The following ADAR variants were observed in gnomAD, a reference collection of about 807,000 sequenced individuals.
ADAR encodes the protein adenosine deaminase RNA specific.
In ADAR, 41 loss-of-function variants were observed where a neutral mutation model predicts 113.2. The ratio of observed to expected loss-of-function variants is 0.36; its 90% CI spans 0.28 to 0.47. The LOEUF is 0.47. ADAR is among the 20% of genes least tolerant of loss of function. The probability of loss-of-function intolerance (pLI) is 1.00; values close to 1 mark genes in which losing one functional copy is unlikely to be tolerated. For missense variants in ADAR, 1,242 were observed against 1,540.9 expected (o/e 0.81, Z 3.25); for synonymous variants, 605 against 572.6 (o/e 1.06, Z -0.81).
intron 13 of ADAR, 199 bp from the exon 14 acceptor site, chr1:154,585,543 G>A (rs1696703282): frequency 1.1e-6 from 1 of 928,154 alleles, no homozygotes; most frequent in African/African-American, 1.7e-5. Context: ...CAGACTAAGA[G>A]AAGAAAAGCC....
chr1:154,598,522 T>G lies in ADAR; in HGVS notation c.1665A>C (p.Lys555Asn). 1 of 1,614,222 alleles carries G rather than the reference T, an allele frequency of 6.2e-7. No individual in the cohort carries two copies. The highest frequency in any genetic ancestry group is 8.5e-7 in the Non-Finnish European group (1 of 1,180,032). Residue 555 changes from lysine (K) to asparagine (N), a missense_variant, in exon 3 of 15, where the codon AAA (lysine) becomes AAC (asparagine). Lys to Asn is a moderately conservative substitution (Grantham distance 94, BLOSUM62 0). This residue lies in a region of ADAR where 780 missense variants were observed against 1,057.9 expected (regional missense o/e 0.74). Coordinates refer to ENST00000368474, the MANE Select transcript of ADAR (RefSeq NM_001111.5). ...TCATAGCTGCATCCTGCTTGGCCACTTTCTTGCTTCCAGCTTCAGCTGGGG... is the reference window on the plus strand; with the variant it reads ...TCATAGCTGCATCCTGCTTGGCCACGTTCTTGCTTCCAGCTTCAGCTGGGG... Reference protein sequence around the residue: ...EFPPAEAGSKKVAKQDAAMKA... With the variant: ...EFPPAEAGSKNVAKQDAAMKA...
intron 6 of ADAR, among the ~76,000 whole-genome samples, chr1:154,596,068 G>A (rs534240085): frequency 1.3e-5 from 2 of 152,106 alleles, no homozygotes; most frequent in Non-Finnish European, 2.9e-5. Flanking sequence ...AGGAGCCCAT[G>A]CCATCTAGGT....
intron 4 of ADAR, among the ~76,000 whole-genome samples, chr1:154,597,531 G>C (rs1697580808): frequency 6.6e-6 from 1 of 152,120 alleles, no homozygotes; most frequent in Admixed American, 6.6e-5. Flanking sequence ...AGACCCACAG[G>C]CAGAGAGCTT....
In ADAR at chr1:154,608,129, G is replaced by T. The variant is rs565666052; in HGVS notation, c.-123C>A. 1.5e-5 allele frequency: 20 copies of T among 1,298,630 alleles called. No homozygotes were observed. Among genetic ancestry groups the T allele is most frequent in the Non-Finnish European group, 1.9e-5 (19 of 986,794 alleles). The allele number at this position is 1,298,630 out of a possible 1,614,324, so 80.4% of individuals were successfully genotyped here. Reference sequence around the variant, plus strand: ...TACTCCGCACTGGAAGTGGCCCCGGGGCGTCGGCACGGGAAACTCCGCGGG... The same window carrying T: ...TACTCCGCACTGGAAGTGGCCCCGGTGCGTCGGCACGGGAAACTCCGCGGG... On this transcript the variant is annotated 5_prime_UTR_variant, in exon 1 of 15. Transcript: ENST00000368474.
rs563756226 is a variant in ADAR, at chr1:154,602,048, C to T, written c.594G>A (p.Ala198=). Reference sequence around the variant, plus strand: ...GCTGGTTCCAAGCCTGAGTGGAGACCGCGATTTTCCACAAAGGGGGTGTTC... The same window carrying T: ...GCTGGTTCCAAGCCTGAGTGGAGACTGCGATTTTCCACAAAGGGGGTGTTC... The part of the protein sequence containing the change: ...EAGTPPLWKI[A]VSTQAWNQHS... Residue 198 remains alanine (A), a synonymous_variant, in exon 2 of 15, where the codon GCG becomes GCA. Coordinates refer to ENST00000368474, the MANE Select transcript of ADAR (RefSeq NM_001111.5). 53 of 1,614,206 alleles carry T rather than the reference C, an allele frequency of 3.3e-5. 1 individual carries two copies. The South Asian group carries it at 3.8e-4, about 12-fold the overall frequency.
intron 1 of ADAR, among the ~76,000 whole-genome samples, chr1:154,614,875 CAG>C (rs1191505897): frequency 6.6e-6 from 1 of 152,168 alleles, no homozygotes; most frequent in African/African-American, 2.4e-5. Context: ...TGGAATTTGA[CAG>C]AGAGCCATTT....
At chr1:154,618,875 C>T (rs1439571822) in intron 1 of ADAR, among the ~76,000 whole-genome samples, 2 of 152,262 alleles carry the variant, frequency 1.3e-5, no homozygotes, top group African/African-American at 2.4e-5. Context: ...TTTGGAAGTC[C>T]GAGGCAGGTG....
rs1477438671 is a variant in ADAR at position 154,582,756 on chromosome 1, G to A, written c.*2050C>T. On this transcript the variant is annotated 3_prime_UTR_variant, in exon 15 of 15. Transcript: ENST00000368474. ...TCAGCAGGTGACAACCCTGTAGCCT[G>A]AAGAGGAGAGGGGCTGCGCTGCCTT... The A allele has an allele frequency of 1.3e-5, 2 of 152,286 alleles. No individual in the cohort carries two copies. The highest frequency in any genetic ancestry group is 2.4e-5 in the African/African-American group (1 of 41,432). The allele number at this position is 152,286 out of a possible 1,614,324, so 9.4% of individuals were successfully genotyped here. A position where few individuals can be genotyped will look rare whatever the true frequency, so the allele number is the denominator to read the frequency against.
intron 6 of ADAR, among the ~76,000 whole-genome samples, chr1:154,591,223 G>A (rs1316319609): frequency 2.0e-5 from 3 of 151,240 alleles, no homozygotes; most frequent in South Asian, 2.1e-4. Context: ...AAGGCTTAAC[G>A]AAATGCTAGC....
intron 1 of ADAR, among the ~76,000 whole-genome samples, chr1:154,614,702 T>G (rs1372269489): frequency 2.0e-5 from 3 of 152,234 alleles, no homozygotes; most frequent in Non-Finnish European, 1.5e-5. Context: ...TCCCTAGTCT[T>G]AATTGACCAG....
At chr1:154,600,817 A>C in intron 2 of ADAR, 1 of 632,216 alleles carries the variant, frequency 1.6e-6, no homozygotes, top group South Asian at 1.9e-5. Flanking sequence ...CAACAGAGTC[A>C]ACCTCCCCCT....
chr1:154,585,135 G>A (rs1571045956), intron 14 of ADAR, 82 bp downstream of exon 14: 1 of 1,613,408 alleles, frequency 6.2e-7, no homozygotes, highest in East Asian at 2.2e-5. Flanking sequence ...CGGCTCTCAA[G>A]CCCTGAGACT....
chr1:154,590,135 A>AGGCGGGGGGGGGGGGG, intron 7 of ADAR, 49 bp downstream of exon 7: 8 of 1,205,002 alleles, frequency 6.6e-6, no homozygotes, highest in Non-Finnish European at 7.2e-6. Context: ...CTTAGGAGTT[A>AGGCGGGGGGGGGGGGG]GGAGGACCCC....
intron 1 of ADAR, among the ~76,000 whole-genome samples, chr1:154,623,944 C>T (rs1209893048): frequency 4.0e-5 from 6 of 151,458 alleles, no homozygotes; most frequent in Admixed American, 1.3e-4. Context: ...TGGAGGTTGC[C>T]GCCAGCCAAG....
chr1:154,586,214 G>C lies in ADAR; in HGVS notation c.3169C>G (p.Leu1057Val). 1 of 1,614,238 alleles carries C rather than the reference G, an allele frequency of 6.2e-7. No homozygotes were observed. Residue 1057 changes from leucine to valine, a missense_variant, in exon 12 of 15, where the codon CTG becomes GTG. Transcript: ENST00000368474. The part of the protein sequence containing the change: ...GLQGALLTHF[L>V]QPIYLKSVTL... ...ACAGATTTGAGATAAATGGGCTGCA[G>C]GAAGTGGGTCAACAGTGCCCCTTGC...
At position 154,602,201 on chromosome 1, in the gene ADAR, C is replaced by T; in HGVS notation, c.441G>A (p.Leu147=). Residue 147 remains leucine (L), a synonymous_variant, in exon 2 of 15, where the codon CTG becomes CTA. Coordinates refer to ENST00000368474, the MANE Select transcript of ADAR (RefSeq NM_001111.5). ...QDQEQRILKF[L]EELGEGKATT... is the part of the protein sequence containing the mutation. The stretch of plus-strand genomic sequence containing the variant: ...TGGCCTTCCCTTCCCCAAGCTCTTC[C>T]AGGAACTTTAAGATCCTTTGTTCCT... The T allele has an allele frequency of 6.2e-7, 1 of 1,614,190 alleles. No individual in the cohort carries two copies.
In ADAR at chr1:154,597,986, A is replaced by T. The variant is rs768639716; in HGVS notation, c.1786-10T>A. ...TCTGGGACTCTGCAGTCTAGAGAAA[A>T]TGAGAGACAAGAAGAAAACAAAACT... is the stretch of plus-strand genomic sequence containing the variant. On this transcript the variant is annotated splice_polypyrimidine_tract_variant and intron_variant, in intron 3 of 14. Coordinates refer to ENST00000368474, the MANE Select transcript of ADAR (RefSeq NM_001111.5). 1 of 1,613,292 alleles carries T rather than the reference A, an allele frequency of 6.2e-7. No homozygotes were observed. Among genetic ancestry groups the T allele is most frequent in the Non-Finnish European group, 8.5e-7 (1 of 1,179,592 alleles).
rs1256319321 is a variant in ADAR at position 154,585,280 on chromosome 1, T to C, written c.3380A>G (p.Asn1127Ser). 2 of 1,614,074 alleles carry C rather than the reference T, an allele frequency of 1.2e-6. No homozygotes were observed. Among genetic ancestry groups the C allele is most frequent in the African/African-American group, 1.3e-5 (1 of 74,930 alleles). Reference protein sequence around the residue: ...QSGKTKETSVNWCLADGYDLE... With the variant: ...QSGKTKETSVSWCLADGYDLE... Reference sequence around the variant, plus strand: ...GTCATAGCCATCAGCCAGACACCAGTTGACGCTTGTCTCCTTAGTCTTCCC... The same window carrying C: ...GTCATAGCCATCAGCCAGACACCAGCTGACGCTTGTCTCCTTAGTCTTCCC... The change falls in exon 14 of 15, where the codon AAC becomes AGC. Residue 1127 changes from asparagine to serine, a missense_variant. Asn to Ser is a conservative substitution (Grantham distance 46). This residue lies in a region of ADAR where 780 missense variants were observed against 1,057.9 expected (regional missense o/e 0.74). Transcript: ENST00000368474.
At chr1:154,595,249 A>G (rs1252877156) in intron 6 of ADAR, among the ~76,000 whole-genome samples, 1 of 152,232 alleles carries the variant, frequency 6.6e-6, no homozygotes, top group African/African-American at 2.4e-5. Flanking sequence ...CTATATTTTT[A>G]TCATTATTTC....
Sources: gnomAD v4.1 joint callset for allele counts (sites outside exome capture counted in the v4.1 genomes callset) on GRCh38, gnomAD v4.1.1 for gene constraint, gnomAD v4.1.1 regional missense constraint, MANE v1.5 for transcripts, NCBI Gene and HGNC (gene_info 2026-07-23, HGNC 2026-07-21) for gene names.